Variants in BAZ2B observed in about 807,000 individuals in gnomAD.
The protein encoded by BAZ2B is bromodomain adjacent to zinc finger domain protein 2B.
A neutral mutation model predicts 246.0 loss-of-function variants in BAZ2B; 91 were observed. That is an observed-to-expected ratio of 0.37 (90% confidence interval 0.31 to 0.44). The LOEUF is 0.44. Ranked by LOEUF, BAZ2B falls within the 20% of genes least tolerant of loss-of-function variation. BAZ2B has a pLI of 1.00. For missense variants in BAZ2B, 2,332 were observed against 2,533.7 expected (o/e 0.92, Z 1.71); for synonymous variants, 855 against 860.0 (o/e 0.99, Z 0.10).
chr2:159,362,897 C>CCA (rs58202061), intron 27 of BAZ2B, among the ~76,000 whole-genome samples: 42,381 of 151,854 alleles, frequency 0.28, 6,081 homozygotes, highest in South Asian at 0.42. Flanking sequence ...GGGCAAATTC[C>CCA]CACTGTTTAT....
chr2:159,428,137 T>G, intron 12 of BAZ2B, 95 bp from the exon 13 acceptor site: 2 of 1,238,066 alleles, frequency 1.6e-6, no homozygotes, highest in Non-Finnish European at 2.3e-6. Context: ...TTTTGCATAT[T>G]CTATCAAGGG....
the BAZ2B span, among the ~76,000 whole-genome samples, chr2:159,704,762 G>A: frequency 6.6e-6 from 1 of 151,998 alleles, no homozygotes; most frequent in Non-Finnish European, 1.5e-5. Context: ...GATTAGAGGC[G>A]TGAGCCACCG....
At chr2:159,434,144 G>A (rs1045875664) in intron 8 of BAZ2B, 1 of 141,544 alleles carries the variant, frequency 7.1e-6, no homozygotes, top group Non-Finnish European at 1.6e-5. Context: ...AAGATCATAA[G>A]TCAAAGAATT....
chr2:159,611,681 A>G, intron 1 of BAZ2B, among the ~76,000 whole-genome samples: 1 of 151,964 alleles, frequency 6.6e-6, no homozygotes. Flanking sequence ...AAGTGTTACA[A>G]ATTTTATGCT....
chr2:159,389,317 G>T, intron 21 of BAZ2B, 28 bp downstream of exon 21: 2 of 1,531,542 alleles, frequency 1.3e-6, no homozygotes, highest in Non-Finnish European at 1.8e-6. Flanking sequence ...ACTTATGAAT[G>T]AAATGGTGTA....
chr2:159,317,146 C>T (rs2148679329), downstream of BAZ2B, among the ~76,000 whole-genome samples: 1 of 152,242 alleles, frequency 6.6e-6, no homozygotes, highest in South Asian at 2.1e-4. Flanking sequence ...AAAGAGGAAG[C>T]TCATAAATTA....
the BAZ2B span, among the ~76,000 whole-genome samples, chr2:159,659,164 T>C: frequency 6.6e-6 from 1 of 152,234 alleles, no homozygotes; most frequent in East Asian, 1.9e-4. Context: ...TCCGTTTCTT[T>C]ATTCCTACTA....
intron 13 of BAZ2B, among the ~76,000 whole-genome samples, chr2:159,423,132 G>A (rs983688877): frequency 3.9e-5 from 6 of 152,130 alleles, no homozygotes; most frequent in Admixed American, 1.3e-4. Context: ...TGGCTAACAC[G>A]GTGAAACCCT....
intron 2 of BAZ2B, among the ~76,000 whole-genome samples, chr2:159,528,288 T>C (rs936696664): frequency 6.6e-6 from 1 of 152,106 alleles, no homozygotes; most frequent in African/African-American, 2.4e-5. Context: ...GATGCAAATC[T>C]ACATTAAGAT....
chr2:159,336,914 A>G, intron 33 of BAZ2B, 28 bp downstream of exon 33: 2 of 1,532,028 alleles, frequency 1.3e-6, no homozygotes, highest in Non-Finnish European at 1.8e-6. Flanking sequence ...TAAATTAGTT[A>G]TAATATTTCT....
chr2:159,536,917 C>G (rs1167791037), intron 2 of BAZ2B, among the ~76,000 whole-genome samples: 1 of 152,060 alleles, frequency 6.6e-6, no homozygotes, highest in Admixed American at 6.5e-5. Context: ...TGTGGTACAG[C>G]AAAATTTAAT....
At chr2:159,615,039 G>A (rs1011183837) in intron 1 of BAZ2B, among the ~76,000 whole-genome samples, 4 of 152,154 alleles carry the variant, frequency 2.6e-5, no homozygotes, top group South Asian at 4.1e-4. Context: ...AAAAAAAATG[G>A]AGGATATTGT....
At position 159,332,883 on chromosome 2, in the gene BAZ2B, G is replaced by A. The variant is rs1575685333; in HGVS notation, c.5797-197C>T. On this transcript the variant is annotated intron_variant, in intron 33 of 36. Transcript: ENST00000392783. ...ACATGACGGGTGAGCAGTTCTATTG[G>A]GGTAAATGCACATTTCAAGTACACT... is the stretch of plus-strand genomic sequence containing the variant. The A allele has an allele frequency of 3.0e-5, 18 of 590,562 alleles. No homozygotes were observed. The East Asian group carries it at 5.5e-4, about 18-fold the overall frequency. 36.6% of individuals were successfully genotyped at this position (590,562 alleles called of 1,614,324 possible).
intron 3 of BAZ2B, among the ~76,000 whole-genome samples, chr2:159,474,550 A>C (rs1478752746): frequency 6.6e-6 from 1 of 152,112 alleles, no homozygotes; most frequent in South Asian, 2.1e-4. Flanking sequence ...CATTTAGCCC[A>C]TTTACATTTA....
intron 26 of BAZ2B, among the ~76,000 whole-genome samples, chr2:159,373,626 T>C (rs1241700691): frequency 6.6e-6 from 1 of 152,080 alleles, no homozygotes; most frequent in Non-Finnish European, 1.5e-5. Context: ...AACCCAGGAA[T>C]TAGAGACCAG....
the BAZ2B span, among the ~76,000 whole-genome samples, chr2:159,708,876 A>C: frequency 3.9e-4 from 59 of 152,198 alleles, no homozygotes; most frequent in African/African-American, 1.3e-3. Flanking sequence ...TATCCTTTTA[A>C]ATACTGGCTT....
chr2:159,624,242 G>A, the BAZ2B span, among the ~76,000 whole-genome samples: 2 of 152,208 alleles, frequency 1.3e-5, no homozygotes, highest in Non-Finnish European at 2.9e-5. Context: ...CACAGCACCT[G>A]GGGGAAGGGA....
At chr2:159,318,529 A>C (rs2062345607), downstream of BAZ2B, among the ~76,000 whole-genome samples, 1 of 152,264 alleles carries the variant, frequency 6.6e-6, no homozygotes, top group Admixed American at 6.5e-5. Context: ...AGCTCCATGA[A>C]GGCAAGGCCT....
the BAZ2B span, among the ~76,000 whole-genome samples, chr2:159,707,003 C>A: frequency 1.3e-5 from 2 of 152,306 alleles, no homozygotes; most frequent in Non-Finnish European, 1.5e-5. Context: ...CTACAAATTT[C>A]AAACTTATCA....
Sources: gnomAD v4.1 joint callset for allele counts (sites outside exome capture counted in the v4.1 genomes callset) on GRCh38, gnomAD v4.1.1 for gene constraint, MANE v1.5 for transcripts, NCBI Gene and HGNC (gene_info 2026-07-23, HGNC 2026-07-21) for gene names.